The following SMOC2 variants were observed in gnomAD, a reference collection of about 807,000 sequenced individuals.
SMOC2 encodes SPARC related modular calcium binding 2.
A neutral mutation model predicts 61.4 loss-of-function variants in SMOC2; 39 were observed. The ratio of observed to expected loss-of-function variants is 0.64; its 90% confidence interval spans 0.49 to 0.83. The LOEUF is 0.83. Among genes scored for constraint, SMOC2 ranks in the 40% least tolerant of loss-of-function variants. The probability of loss-of-function intolerance (pLI) is 0.00; values close to 1 mark genes in which losing one functional copy is unlikely to be tolerated. For missense variants in SMOC2, 556 were observed against 592.9 expected (o/e 0.94, Z 0.65); for synonymous variants, 247 against 239.9 (o/e 1.03, Z -0.27).
chr6:168,509,108 C>G (rs527330534), intron 1 of SMOC2, among the ~76,000 whole-genome samples: 6 of 152,280 alleles, frequency 3.9e-5, no homozygotes, highest in African/African-American at 1.4e-4. Flanking sequence ...GGAAAACACA[C>G]GGGGCCAGCA....
chr6:168,622,200 T>A (rs1443973955), intron 9 of SMOC2, among the ~76,000 whole-genome samples: 1 of 152,040 alleles, frequency 6.6e-6, no homozygotes, highest in Non-Finnish European at 1.5e-5. Flanking sequence ...TCTCCTGACC[T>A]CCTGATCCAC....
intron 1 of SMOC2, among the ~76,000 whole-genome samples, chr6:168,451,983 G>A (rs1781478437): frequency 6.6e-6 from 1 of 152,196 alleles, no homozygotes; most frequent in Non-Finnish European, 1.5e-5. Context: ...AGGTGGAAGA[G>A]GTTGTCTCCC....
chr6:168,484,709 T>A (rs528295800), intron 1 of SMOC2, among the ~76,000 whole-genome samples: 1 of 152,284 alleles, frequency 6.6e-6, no homozygotes, highest in Non-Finnish European at 1.5e-5. Flanking sequence ...CACCAGCAGA[T>A]GAATAGATAA....
intron 7 of SMOC2, among the ~76,000 whole-genome samples, chr6:168,586,696 A>C (rs1341217414): frequency 2.0e-5 from 3 of 152,184 alleles, no homozygotes; most frequent in Non-Finnish European, 4.4e-5. Flanking sequence ...TCTTTGATAA[A>C]ATTCTTTCTA....
chr6:168,638,140 C>T (rs4708479), intron 9 of SMOC2, among the ~76,000 whole-genome samples: 145,969 of 152,016 alleles, frequency 0.96, 70,416 homozygotes, highest in East Asian at 1. Context: ...CGCTGGCCAG[C>T]CCCTGCCCTG....
rs1784314545 is a variant in SMOC2 at position 168,558,853 on chromosome 6, GTGTGCGCA to G, written c.637+9655_637+9662del. Among the ~76,000 whole-genome samples the G allele has an allele frequency of 2.4e-5, 3 of 126,370 alleles. No homozygotes were observed. The South Asian group carries it at 7.2e-4, about 31-fold the overall frequency. 82.9% of individuals were successfully genotyped at this position (126,370 alleles called of 152,430 possible). ...TGTGTGTGCACGTGTGTATGTGCGCGTGTGCGCATGTGTGTGCATGTGTGTGCGTGTGT... is the reference window on the plus strand; with the variant it reads ...TGTGTGTGCACGTGTGTATGTGCGCGTGTGTGTGCATGTGTGTGCGTGTGT... On this transcript the variant is annotated intron_variant, in intron 7 of 12. Coordinates refer to ENST00000356284, the MANE Select transcript of SMOC2 (RefSeq NM_001166412.2).
chr6:168,618,826 G>A (rs184943424), intron 9 of SMOC2, among the ~76,000 whole-genome samples: 12 of 152,246 alleles, frequency 7.9e-5, no homozygotes, highest in East Asian at 5.8e-4. Flanking sequence ...GCAGGCACAC[G>A]GGCATCCGGT....
intron 1 of SMOC2, among the ~76,000 whole-genome samples, chr6:168,445,437 T>G (rs923103546): frequency 1.3e-5 from 2 of 152,238 alleles, no homozygotes; most frequent in Admixed American, 1.3e-4. Flanking sequence ...AAACAATATT[T>G]AGCCATGTGT....
intron 1 of SMOC2, among the ~76,000 whole-genome samples, chr6:168,506,371 A>T (rs568149013): frequency 1.3e-5 from 2 of 152,212 alleles, no homozygotes; most frequent in African/African-American, 4.8e-5. Context: ...TATGTATTTC[A>T]GAGGCAACAT....
At chr6:168,664,919 C>T (rs191909893) in intron 12 of SMOC2, 264 of 425,528 alleles carry the variant, frequency 6.2e-4, no homozygotes, top group Non-Finnish European at 1.0e-3. Flanking sequence ...GATGCCAGGT[C>T]GACATTTCCT....
chr6:168,628,249 A>G (rs903026215), intron 9 of SMOC2, among the ~76,000 whole-genome samples: 1 of 152,238 alleles, frequency 6.6e-6, no homozygotes, highest in Non-Finnish European at 1.5e-5. Flanking sequence ...TCGTCGAGAC[A>G]TACACTTTCT....
chr6:168,650,873 T>C (rs568987386), intron 10 of SMOC2, 90 bp downstream of exon 10: 1 of 1,205,358 alleles, frequency 8.3e-7, no homozygotes, highest in South Asian at 1.3e-5. Context: ...ATTGGCAACC[T>C]TCTCAGCTTA....
chr6:168,459,321 T>C (rs1038264109), intron 1 of SMOC2, among the ~76,000 whole-genome samples: 1 of 152,162 alleles, frequency 6.6e-6, no homozygotes, highest in African/African-American at 2.4e-5. Flanking sequence ...CAGACGCGCC[T>C]GGGTCCCTGG....
At chr6:168,492,710 A>T (rs1194624315) in intron 1 of SMOC2, among the ~76,000 whole-genome samples, 1 of 152,252 alleles carries the variant, frequency 6.6e-6, no homozygotes, top group Non-Finnish European at 1.5e-5. Context: ...TAGAGAGAGC[A>T]CTGTCTCACA....
Position 168,456,185 on chromosome 6 carries a change from A to G in SMOC2, c.84+14731A>G, listed in dbSNP as rs559565557. On this transcript the variant is annotated intron_variant, in intron 1 of 12. Coordinates refer to ENST00000356284, the MANE Select transcript of SMOC2 (RefSeq NM_001166412.2). ...AGTGACTTCATCTGCTTCTGGTTCA[A>G]TTGCTAGATAGTTTAAAAGAGGGTC... is the stretch of plus-strand genomic sequence containing the variant. Among the ~76,000 whole-genome samples, 22 of 152,322 alleles carry G rather than the reference A, an allele frequency of 1.4e-4. No individual in the cohort carries two copies. In the East Asian group the frequency reaches 4.2e-3, roughly 29 times the overall value.
rs1318827032 is a variant in SMOC2 at position 168,653,011 on chromosome 6, C to A, written c.1068C>A (p.Phe356Leu). The A allele has an allele frequency of 6.2e-7, 1 of 1,614,076 alleles. No individual in the cohort carries two copies. The highest frequency in any genetic ancestry group is 1.7e-5 in the Admixed American group (1 of 60,002). The change falls in exon 11 of 13, where the codon TTC becomes TTA. Residue 356 changes from phenylalanine (F) to leucine (L), a missense_variant. Transcript: ENST00000356284. ...AGGAGCGGGTGGTGCACTGGTACTTCAAACTACTGGATAAAAACTCCAGTG... is the reference window on the plus strand; with the variant it reads ...AGGAGCGGGTGGTGCACTGGTACTTAAAACTACTGGATAAAAACTCCAGTG... ...TLEERVVHWY[F>L]KLLDKNSSGD... is the part of the protein sequence containing the mutation.
intron 4 of SMOC2, among the ~76,000 whole-genome samples, chr6:168,539,594 C>G (rs1783830434): frequency 1.3e-5 from 2 of 152,236 alleles, no homozygotes; most frequent in Admixed American, 1.3e-4. Context: ...CTCTAGCAGG[C>G]TGCTGCCTGA....
chr6:168,524,087 C>T lies in SMOC2; in HGVS notation c.257-2259C>T, dbSNP rs1214736911. Reference sequence around the variant, plus strand: ...GGCTTAGAGTGATATTGAGAACACACGGGGGCCATGACTGTTTCTGAGTGC... The same window carrying T: ...GGCTTAGAGTGATATTGAGAACACATGGGGGCCATGACTGTTTCTGAGTGC... On this transcript the variant is annotated intron_variant, in intron 2 of 12. Transcript: ENST00000356284. Among the ~76,000 whole-genome samples, 6 of 152,074 alleles carry T rather than the reference C, an allele frequency of 3.9e-5. 1 individual carries two copies. In the South Asian group the frequency reaches 6.2e-4, roughly 16 times the overall value.
intron 7 of SMOC2, among the ~76,000 whole-genome samples, chr6:168,566,891 G>C (rs1562352327): frequency 6.6e-6 from 1 of 152,092 alleles, no homozygotes; most frequent in South Asian, 2.1e-4. Context: ...AGCAGTATTT[G>C]GCAAACTGTT....
Sources: gnomAD v4.1 joint callset for allele counts (sites outside exome capture counted in the v4.1 genomes callset) on GRCh38, gnomAD v4.1.1 for gene constraint, MANE v1.5 for transcripts, NCBI Gene and HGNC (gene_info 2026-07-23, HGNC 2026-07-21) for gene names.